SERPINB5: variants seen among roughly 807,000 people sequenced by gnomAD.
SERPINB5 encodes serpin B5.
Under a neutral mutation model 32.2 loss-of-function variants are expected in SERPINB5, and 27 were observed. That is an observed-to-expected ratio of 0.84 (90% CI 0.62 to 1.16). The LOEUF (loss-of-function observed/expected upper bound fraction) is 1.16, where lower values mean the gene tolerates loss of function less well. SERPINB5 is among the 50% of genes most tolerant of loss of function. The pLI is 0.00. For synonymous variants in SERPINB5, 154 were observed against 157.4 expected (o/e 0.98, Z 0.16); for missense variants, 388 against 436.3 (o/e 0.89, Z 0.99).
chr18:63,500,338 T>C (rs12957346), intron 6 of SERPINB5, among the ~76,000 whole-genome samples: 85,835 of 151,564 alleles, frequency 0.57, 24,870 homozygotes, highest in Non-Finnish European at 0.64. Context: ...GCTAGGATTA[T>C]AGGCATGAGC....
chr18:63,492,898 A>G, intron 4 of SERPINB5, 55 bp from the exon 5 acceptor site: 1 of 1,573,308 alleles, frequency 6.4e-7, no homozygotes, highest in Non-Finnish European at 8.6e-7. Flanking sequence ...TGTGAATTTC[A>G]GATGTAGTTT....
rs1917179776 is a variant in SERPINB5, at chr18:63,484,747, T to TTTTTTTTTTTTTTTC, written c.168+165_168+166insCTTTTTTTTTTTTTT. ...ATTCCAGGACTCTCTTAATCTTTTT[T>TTTTTTTTTTTTTTTC]TTTTTTTTTTTTTTTTGTGAGACAG... On this transcript the variant is annotated intron_variant, in intron 2 of 6. Coordinates refer to ENST00000382771, the MANE Select transcript of SERPINB5 (RefSeq NM_002639.5). The TTTTTTTTTTTTTTTC allele has an allele frequency of 4.0e-6, 2 of 496,824 alleles. 1 individual carries two copies. Among genetic ancestry groups the TTTTTTTTTTTTTTTC allele is most frequent in the Non-Finnish European group, 6.4e-6 (2 of 314,730 alleles). The allele number at this position is 496,824 out of a possible 1,614,324, so 30.8% of individuals were successfully genotyped here.
Position 63,499,517 on chromosome 18 carries a change from C to G in SERPINB5, c.735+230C>G, listed in dbSNP as rs556562017. ...TGTTCTAGGGACTGTGCTAAGTTGC[C>G]TACGTGCATTATCTCATTTAATTCT... On this transcript the variant is annotated intron_variant, in intron 6 of 6. Coordinates refer to ENST00000382771, the MANE Select transcript of SERPINB5 (RefSeq NM_002639.5). Among the ~76,000 whole-genome samples, 245 of 152,286 alleles carry G rather than the reference C, an allele frequency of 1.6e-3. 2 individuals carry two copies. Among genetic ancestry groups the G allele is most frequent in the Admixed American group, 4.2e-3 (65 of 15,302 alleles).
chr18:63,481,990 G>A (rs1293058416), intron 1 of SERPINB5, among the ~76,000 whole-genome samples: 2 of 152,204 alleles, frequency 1.3e-5, no homozygotes, highest in East Asian at 3.9e-4. Context: ...TGGCCTGAGC[G>A]CATGGCTGTA....
At chr18:63,497,277 T>C (rs968380640) in intron 5 of SERPINB5, 1 of 1,112,390 alleles carries the variant, frequency 9.0e-7, no homozygotes, top group East Asian at 2.5e-5. Flanking sequence ...TGATCATTGG[T>C]TATTCCAGGA....
chr18:63,497,488 A>G, intron 5 of SERPINB5: 1 of 405,740 alleles, frequency 2.5e-6, no homozygotes, highest in Non-Finnish European at 4.3e-6. Flanking sequence ...ACCATTGAAC[A>G]CAACGTTTCT....
chr18:63,484,739 A>ATATTTTTTT (rs1474564506), intron 2 of SERPINB5, 143 bp downstream of exon 2: 39 of 144,718 alleles, frequency 2.7e-4, no homozygotes, highest in Middle Eastern at 2.0e-3. Flanking sequence ...GACTCTCTTA[A>ATATTTTTTT]TCTTTTTTTT....
At chr18:63,485,263 G>C (rs576076577) in intron 2 of SERPINB5, among the ~76,000 whole-genome samples, 1 of 151,110 alleles carries the variant, frequency 6.6e-6, no homozygotes, top group South Asian at 2.1e-4. Flanking sequence ...GCTTTGTAAA[G>C]TTCTTAGACC....
intron 3 of SERPINB5, among the ~76,000 whole-genome samples, chr18:63,487,970 A>G (rs183834556): frequency 6.6e-6 from 1 of 152,276 alleles, no homozygotes; most frequent in African/African-American, 2.4e-5. Context: ...TGTTGCTTAA[A>G]GATACATACA....
intron 1 of SERPINB5, among the ~76,000 whole-genome samples, chr18:63,478,105 G>A (rs1168926999): frequency 6.6e-6 from 1 of 152,190 alleles, no homozygotes; most frequent in Non-Finnish European, 1.5e-5. Flanking sequence ...TTCATGGGTG[G>A]AGATGAAGCC....
chr18:63,497,499 G>GA (rs60323388), intron 5 of SERPINB5: 13,507 of 222,418 alleles, frequency 0.061, 20 homozygotes, highest in South Asian at 0.11. Context: ...CAACGTTTCT[G>GA]AAAAAAAAAA....
At chr18:63,491,531 G>T (rs1432007225) in intron 4 of SERPINB5, among the ~76,000 whole-genome samples, 1 of 150,232 alleles carries the variant, frequency 6.7e-6, no homozygotes, top group Non-Finnish European at 1.5e-5. Context: ...CTGGAGTGCA[G>T]CGGCACGATC....
chr18:63,488,837 T>G (rs1917255345), intron 3 of SERPINB5, among the ~76,000 whole-genome samples: 1 of 152,234 alleles, frequency 6.6e-6, no homozygotes, highest in South Asian at 2.1e-4. Flanking sequence ...AAATGCATTC[T>G]GATTCAGTAT....
At chr18:63,493,314 C>A (rs1909380086) in intron 5 of SERPINB5, 1 of 612,364 alleles carries the variant, frequency 1.6e-6, no homozygotes, top group South Asian at 2.1e-5. Flanking sequence ...AGGATCTGAG[C>A]TGAGTGAAAC....
intron 5 of SERPINB5, among the ~76,000 whole-genome samples, chr18:63,494,647 T>A (rs773523197): frequency 3.3e-5 from 5 of 152,200 alleles, no homozygotes; most frequent in Non-Finnish European, 5.9e-5. Context: ...CTAGCATCCA[T>A]GAGGAAAAGC....
At chr18:63,496,887 G>T in intron 5 of SERPINB5, 1 of 316,278 alleles carries the variant, frequency 3.2e-6, no homozygotes, top group Middle Eastern at 1.1e-3. Flanking sequence ...AAAGGCCTGG[G>T]CAGTGCTTGG....
intron 5 of SERPINB5, among the ~76,000 whole-genome samples, chr18:63,494,269 C>A (rs550953427): frequency 1.5e-5 from 2 of 132,336 alleles, no homozygotes; most frequent in South Asian, 4.8e-4. Context: ...TTGCAGTGAG[C>A]TGAGATTGTG....
At chr18:63,491,230 C>T (rs575801212) in intron 4 of SERPINB5, among the ~76,000 whole-genome samples, 10 of 151,598 alleles carry the variant, frequency 6.6e-5, no homozygotes, top group East Asian at 2.0e-4. Flanking sequence ...GGTGAAACCC[C>T]GTCTCTACTA....
intron 1 of SERPINB5, among the ~76,000 whole-genome samples, chr18:63,480,602 A>G (rs143788112): frequency 1.1e-3 from 175 of 152,306 alleles, no homozygotes; most frequent in South Asian, 2.3e-3. Context: ...TTTCCAGGTC[A>G]TGTATTGTTA....
Sources: gnomAD v4.1 joint callset for allele counts (sites outside exome capture counted in the v4.1 genomes callset) on GRCh38, gnomAD v4.1.1 for gene constraint, MANE v1.5 for transcripts, NCBI Gene and HGNC (gene_info 2026-07-23, HGNC 2026-07-21) for gene names.